BOLL: variants seen among roughly 807,000 people sequenced by gnomAD.
BOLL encodes the protein boule RNA binding protein, also known as protein boule-like.
A neutral mutation model predicts 44.4 loss-of-function variants in BOLL; 23 were observed. The observed-to-expected ratio is 0.52, with a 90% CI of 0.37 to 0.73. The LOEUF (loss-of-function observed/expected upper bound fraction) is 0.73. Ranked by LOEUF, BOLL falls within the 30% of genes least tolerant of loss-of-function variation. The pLI, the probability that BOLL is intolerant of heterozygous loss-of-function variation, is 0.00. For missense variants in BOLL, 287 were observed against 338.3 expected (o/e 0.85, Z 1.19); for synonymous variants, 97 against 110.8 (o/e 0.88, Z 0.78).
chr2:197,752,381 G>A (rs1363216224), intron 9 of BOLL, among the ~76,000 whole-genome samples: 2 of 152,162 alleles, frequency 1.3e-5, no homozygotes, highest in African/African-American at 4.8e-5. Flanking sequence ...CAGATGACAT[G>A]ATTGTATATT....
At chr2:197,730,806 A>G (rs1398241174) in intron 10 of BOLL, among the ~76,000 whole-genome samples, 1 of 152,220 alleles carries the variant, frequency 6.6e-6, no homozygotes, top group South Asian at 2.1e-4. Context: ...AAGAGCTCCT[A>G]AAGGAAGCAC....
intron 9 of BOLL, among the ~76,000 whole-genome samples, chr2:197,751,072 G>A (rs7571255): frequency 0.019 from 2,885 of 152,056 alleles, 33 homozygotes; most frequent in Non-Finnish European, 0.031. Context: ...AAATTAAGGC[G>A]GAAATAAATA....
intron 9 of BOLL, among the ~76,000 whole-genome samples, chr2:197,751,662 T>G (rs916477749): frequency 5.9e-5 from 9 of 151,996 alleles, no homozygotes; most frequent in Non-Finnish European, 1.3e-4. Flanking sequence ...AATAGCCTAC[T>G]AAACAAAAAA....
intron 10 of BOLL, among the ~76,000 whole-genome samples, chr2:197,739,590 G>T (rs189440959): frequency 2.3e-3 from 354 of 152,250 alleles, no homozygotes; most frequent in African/African-American, 8.3e-3. Context: ...CTCCCAAAGT[G>T]CTGGGATTGC....
At chr2:197,740,467 C>T (rs897422248) in intron 10 of BOLL, among the ~76,000 whole-genome samples, 45 of 152,002 alleles carry the variant, frequency 3.0e-4, no homozygotes, top group African/African-American at 1.1e-3. Flanking sequence ...AGGAAGAATT[C>T]CCTGTACATA....
chr2:197,744,388 G>C (rs1687900128), intron 9 of BOLL, among the ~76,000 whole-genome samples: 1 of 152,202 alleles, frequency 6.6e-6, no homozygotes, highest in Non-Finnish European at 1.5e-5. Flanking sequence ...ATTGCCAGAA[G>C]AGAGTAGTAT....
chr2:197,777,099 G>C lies in BOLL; in HGVS notation c.236C>G (p.Thr79Ser), dbSNP rs1391397080. The C allele has an allele frequency of 6.4e-7, 1 of 1,566,594 alleles. No homozygotes were observed. Among genetic ancestry groups the C allele is most frequent in the African/African-American group, 1.4e-5 (1 of 73,708 alleles). ...AGVSKGYGFV[T>S]FETQEDAQKI... The stretch of plus-strand genomic sequence containing the variant: ...TTGTGCATCTTCTTGTGTTTCAAAA[G>C]TGACGAAACCATACCTAAATAAATG... Residue 79 changes from threonine (T) to serine (S), a missense_variant, in exon 4 of 11, where the codon ACT (threonine) becomes AGT (serine). Coordinates refer to ENST00000392296, the MANE Select transcript of BOLL (RefSeq NM_033030.6).
chr2:197,785,769 C>T (rs546106340), upstream of BOLL, among the ~76,000 whole-genome samples: 34 of 152,324 alleles, frequency 2.2e-4, 2 homozygotes, highest in South Asian at 6.8e-3. This position sits in a 1 kb window ranked among gnomAD's most constrained non-coding sequence, Gnocchi z 6.7. Context: ...GGCCCCGTGG[C>T]GGCGCCTTTC....
chr2:197,731,291 C>T (rs1687164479), intron 10 of BOLL, among the ~76,000 whole-genome samples: 1 of 150,280 alleles, frequency 6.7e-6, no homozygotes, highest in Non-Finnish European at 1.5e-5. Context: ...GCACCCAATA[C>T]AGGAGCACCA....
In BOLL at chr2:197,757,335, T is replaced by C. The variant is rs772048628; in HGVS notation, c.600+18A>G. ...TGAAAGAAGGATTTAAAATTATATA[T>C]TGAAAGTTAACATTTACCTGAGGAA... On this transcript the variant is annotated intron_variant, in intron 8 of 10. Coordinates refer to ENST00000392296, the MANE Select transcript of BOLL (RefSeq NM_033030.6). The C allele has an allele frequency of 3.9e-5, 62 of 1,593,470 alleles. No homozygotes were observed. The highest frequency in any genetic ancestry group is 1.7e-4 in the Middle Eastern group (1 of 5,932).
intron 7 of BOLL, among the ~76,000 whole-genome samples, chr2:197,760,313 C>A (rs1487580082): frequency 6.6e-6 from 1 of 152,224 alleles, no homozygotes; most frequent in East Asian, 1.9e-4. Flanking sequence ...AGAAACAGCC[C>A]CTGACAAACA....
chr2:197,781,867 TGTAAAATAAA>T lies in BOLL; in HGVS notation c.-15-12_-15-3del. ...TGTTTGCATCTGGTTTGATGTTTGCTGTAAAATAAAATTCTTTTACACTTTTTGCACTGGG... is the reference window on the plus strand; with the variant it reads ...TGTTTGCATCTGGTTTGATGTTTGCTATTCTTTTACACTTTTTGCACTGGG... On this transcript the variant is annotated splice_region_variant and splice_polypyrimidine_tract_variant and intron_variant, in intron 1 of 10. Coordinates refer to ENST00000392296, the MANE Select transcript of BOLL (RefSeq NM_033030.6). 1 of 1,582,264 alleles carries T rather than the reference TGTAAAATAAA, an allele frequency of 6.3e-7. No individual in the cohort carries two copies. The highest frequency in any genetic ancestry group is 8.6e-7 in the Non-Finnish European group (1 of 1,158,534).
intron 10 of BOLL, among the ~76,000 whole-genome samples, chr2:197,733,515 G>C (rs931020975): frequency 6.6e-6 from 1 of 151,648 alleles, no homozygotes; most frequent in Non-Finnish European, 1.5e-5. Context: ...TCAATCCTAA[G>C]CCAAAAGAAC....
chr2:197,735,117 T>C (rs1351153748), intron 10 of BOLL, among the ~76,000 whole-genome samples: 1 of 152,150 alleles, frequency 6.6e-6, no homozygotes. Flanking sequence ...CTGTAAAATT[T>C]ATTTAAAAAA....
intron 7 of BOLL, among the ~76,000 whole-genome samples, chr2:197,762,785 T>C (rs1235256269): frequency 6.6e-6 from 1 of 151,928 alleles, no homozygotes; most frequent in Non-Finnish European, 1.5e-5. Flanking sequence ...ACTAGAAATA[T>C]TTCAAATAAA....
At chr2:197,731,767 G>A (rs1162782700) in intron 10 of BOLL, among the ~76,000 whole-genome samples, 2 of 151,802 alleles carry the variant, frequency 1.3e-5, no homozygotes, top group African/African-American at 2.4e-5. Context: ...TGAAACCAAC[G>A]AGAGCAAAGA....
rs192192690 is a variant in BOLL, at chr2:197,770,022, A to C, written c.480+1833T>G. On this transcript the variant is annotated intron_variant, in intron 6 of 10. Transcript: ENST00000392296. ...CTACTTTAAAGTTCATATGGAACCA[A>C]AAAAGAGCCCACATTGCCAAGACAA... is the stretch of plus-strand genomic sequence containing the variant. 4.0e-3 allele frequency among the ~76,000 whole-genome samples: 608 copies of C among 152,332 alleles called. 3 individuals are homozygous for C. Among genetic ancestry groups the C allele is most frequent in the African/African-American group, 0.014 (585 of 41,570 alleles).
chr2:197,749,222 C>A (rs907430047), intron 9 of BOLL, among the ~76,000 whole-genome samples: 2 of 152,152 alleles, frequency 1.3e-5, no homozygotes, highest in African/African-American at 4.8e-5. Context: ...ACGCAAAAAC[C>A]CCATTCACAG....
At chr2:197,767,653 A>T (rs1689054381) in intron 6 of BOLL, among the ~76,000 whole-genome samples, 1 of 151,914 alleles carries the variant, frequency 6.6e-6, no homozygotes, top group African/African-American at 2.4e-5. Flanking sequence ...CAATGTTGGG[A>T]GACATTTTTG....
Sources: gnomAD v4.1 joint callset for allele counts (sites outside exome capture counted in the v4.1 genomes callset) on GRCh38, gnomAD v4.1.1 for gene constraint, Gnocchi (gnomAD v3.1) non-coding constraint, MANE v1.5 for transcripts, NCBI Gene and HGNC (gene_info 2026-07-23, HGNC 2026-07-21) for gene names.